Variants in PEX16 observed in about 807,000 individuals in gnomAD.
PEX16 encodes peroxisomal biogenesis factor 16.
Under a neutral mutation model 50.5 loss-of-function variants are expected in PEX16, and 37 were observed. The observed-to-expected ratio is 0.73, with a 90% confidence interval of 0.56 to 0.96. The LOEUF is 0.96. Among genes scored for constraint, PEX16 ranks in the 40% least tolerant of loss-of-function variants. The pLI is 0.00. For synonymous variants in PEX16, 185 were observed against 190.3 expected, an observed-to-expected ratio of 0.97 and a Z score of 0.23; for missense variants, 401 against 438.3, an observed-to-expected ratio of 0.91 and a Z score of 0.76.
intron 8 of PEX16, 80 bp from the exon 9 acceptor site, chr11:45,914,018 C>G: frequency 6.3e-7 from 1 of 1,596,452 alleles, no homozygotes; most frequent in Non-Finnish European, 8.5e-7. Flanking sequence ...GGCTGGGTGT[C>G]CAGAGGGGCA....
chr11:45,916,340 G>C, intron 2 of PEX16, 37 bp from the exon 3 acceptor site: 1 of 1,474,434 alleles, frequency 6.8e-7, no homozygotes, highest in Non-Finnish European at 9.5e-7. Context: ...GGCTGGCTCT[G>C]CAGCCTCCAT....
rs35874263 is a variant in PEX16 at position 45,914,407 on chromosome 11, C to G, written c.603G>C (p.Gln201His). Reference sequence around the variant, plus strand: ...GGGTCGCACTCAGCTCCTCGTGATGCTGCTGCTGCCGTCCCTCCCGCTGCT... The same window carrying G: ...GGGTCGCACTCAGCTCCTCGTGATGGTGCTGCTGCCGTCCCTCCCGCTGCT... ...APQQREGRQQ[Q>H]HHEELSATPT... Residue 201 changes from glutamine to histidine, a missense_variant, in exon 7 of 11, where the codon CAG becomes CAC. Gln to His is a conservative substitution (Grantham distance 24, BLOSUM62 0). Coordinates refer to ENST00000378750, the MANE Select transcript of PEX16 (RefSeq NM_004813.4). 6.2e-7 allele frequency: 1 copy of G among 1,609,186 alleles called. No individual in the cohort carries two copies.
chr11:45,913,775 G>A lies in PEX16; in HGVS notation c.887+44C>T, dbSNP rs766281476. On this transcript the variant is annotated intron_variant, in intron 9 of 10. Transcript: ENST00000378750. ...AGCAGGGACCGGAGCACCAGTGCCC[G>A]CTTGCCAGCCCTCTCCCTGGCTCAG... The A allele has an allele frequency of 2.9e-5, 47 of 1,611,766 alleles. No individual in the cohort carries two copies. The highest frequency in any genetic ancestry group is 1.6e-4 in the Middle Eastern group (1 of 6,078).
In PEX16 at chr11:45,910,908, G is replaced by A; in HGVS notation, c.942C>T (p.Gly314=). 1 of 1,613,586 alleles carries A rather than the reference G, an allele frequency of 6.2e-7. No individual in the cohort carries two copies. Among genetic ancestry groups the A allele is most frequent in the South Asian group, 1.1e-5 (1 of 91,084 alleles). The change falls in exon 10 of 11, where the codon GGC becomes GGT. Residue 314 remains glycine (G), a synonymous_variant. Transcript: ENST00000378750. The part of the protein sequence containing the change: ...QLLADHVPGV[G]LVTRPLMDYL... ...CCCATCCCTGCTTACTTGTGACCAG[G>A]CCAACGCCAGGGACGTGGTCGGCCA...
rs746381331 is a variant in PEX16 at position 45,916,287 on chromosome 11, G to A, written c.165C>T (p.Asn55=). ...ELSELVYSAS[N]LLVLLNDGIL... ...TCCCGTCATTGAGCAGCACAAGCAG[G>A]TTAGAGGCAGAGTACACTGAGGGGT... is the stretch of plus-strand genomic sequence containing the variant. Residue 55 remains asparagine, a synonymous_variant, in exon 3 of 11, where the codon AAC becomes AAT. Transcript: ENST00000378750. The A allele has an allele frequency of 3.1e-6, 5 of 1,613,828 alleles. No homozygotes were observed. The African/African-American group carries it at 5.3e-5, about 17-fold the overall frequency.
intron 4 of PEX16, 55 bp downstream of exon 4, chr11:45,915,648 G>A (rs776484104): frequency 1.6e-4 from 260 of 1,612,934 alleles, no homozygotes; most frequent in Non-Finnish European, 1.9e-4. Flanking sequence ...AGCACCATCT[G>A]TGTAGCTAGC....
At position 45,915,576 on chromosome 11, in the gene PEX16, G is replaced by C; in HGVS notation, c.360-8C>G. The C allele has an allele frequency of 6.2e-7, 1 of 1,613,800 alleles. No homozygotes were observed. The highest frequency in any genetic ancestry group is 2.2e-5 in the East Asian group (1 of 44,864). ...AGCATCCGCAGTACAGCCCTGGGTCGGGGAGTATGTCAGGGTTGTGGGGAG... is the reference window on the plus strand; with the variant it reads ...AGCATCCGCAGTACAGCCCTGGGTCCGGGAGTATGTCAGGGTTGTGGGGAG... On this transcript the variant is annotated splice_region_variant and splice_polypyrimidine_tract_variant and intron_variant, in intron 4 of 10. Transcript: ENST00000378750.
At chr11:45,914,572 A>C (rs755750023) in intron 6 of PEX16, 32 bp downstream of exon 6, 1 of 1,613,058 alleles carries the variant, frequency 6.2e-7, no homozygotes, top group Admixed American at 1.7e-5. Flanking sequence ...GACAGCACCT[A>C]GGTGCCCAGG....
intron 2 of PEX16, 109 bp from the exon 3 acceptor site, chr11:45,916,412 A>T: frequency 1.2e-6 from 1 of 833,620 alleles, no homozygotes; most frequent in Non-Finnish European, 2.0e-6. Context: ...TCAGACACCC[A>T]CAGACTATGT....
chr11:45,911,741 G>A (rs1463951320), intron 9 of PEX16, among the ~76,000 whole-genome samples: 1 of 152,202 alleles, frequency 6.6e-6, no homozygotes, highest in Non-Finnish European at 1.5e-5. Context: ...GGAAGCCTGG[G>A]GGCCGGGTGT....
In PEX16 at chr11:45,910,322, G is replaced by A; in HGVS notation, c.953-10C>T. ...TAATCCATGAGCGGCCCTGCAGTGG[G>A]AGAGGGACACATCAGGGCAGGCCAG... is the stretch of plus-strand genomic sequence containing the variant. On this transcript the variant is annotated splice_polypyrimidine_tract_variant and intron_variant, in intron 10 of 10. Coordinates refer to ENST00000378750, the MANE Select transcript of PEX16 (RefSeq NM_004813.4). 6.2e-7 allele frequency: 1 copy of A among 1,607,660 alleles called. No homozygotes were observed. Among genetic ancestry groups the A allele is most frequent in the Non-Finnish European group, 8.5e-7 (1 of 1,174,432 alleles).
chr11:45,913,698 AAC>A (rs2086800519), intron 9 of PEX16, 119 bp downstream of exon 9: 4 of 1,174,738 alleles, frequency 3.4e-6, no homozygotes, highest in African/African-American at 3.0e-5. Context: ...CCACCCGGAC[AAC>A]ACACAGTGCT....
In PEX16 at chr11:45,916,150, T is replaced by G; in HGVS notation, c.225+77A>C. The G allele has an allele frequency of 4.8e-6, 5 of 1,050,908 alleles. No individual in the cohort carries two copies. In the South Asian group the frequency reaches 5.0e-5, roughly 11 times the overall value. 65.1% of individuals were successfully genotyped at this position (1,050,908 alleles called of 1,614,324 possible). A position where few individuals can be genotyped will look rare whatever the true frequency, so the allele number is the denominator to read the frequency against. On this transcript the variant is annotated intron_variant, in intron 3 of 10. Coordinates refer to ENST00000378750, the MANE Select transcript of PEX16 (RefSeq NM_004813.4). ...GTCTCATACTCCATGAGACATGTGC[T>G]GCACGCATGGGCTAGCTGCTACTAT...
At chr11:45,914,502 G>A (rs1565081173) in intron 6 of PEX16, 34 bp from the exon 7 acceptor site, 1 of 1,609,994 alleles carries the variant, frequency 6.2e-7, no homozygotes, top group African/African-American at 1.3e-5. Context: ...AGCGAGCCAG[G>A]CCCAGGCTGG....
At chr11:45,918,132 G>A, upstream of PEX16, 1 of 457,856 alleles carries the variant, frequency 2.2e-6, no homozygotes, top group Non-Finnish European at 4.1e-6. Context: ...CGGGTTGGCT[G>A]CCCTTGCGCC....
At chr11:45,916,177 T>C in intron 3 of PEX16, 50 bp downstream of exon 3, 2 of 1,362,578 alleles carry the variant, frequency 1.5e-6, no homozygotes, top group Non-Finnish European at 2.1e-6. Context: ...TGCTACTATT[T>C]CATTCCTGAG....
chr11:45,912,998 ATTT>A (rs5791710), intron 9 of PEX16, among the ~76,000 whole-genome samples: 10 of 149,384 alleles, frequency 6.7e-5, no homozygotes, highest in South Asian at 2.1e-4. Context: ...AATTATTATT[ATTT>A]TTTTTTTTTT....
intron 3 of PEX16, 65 bp downstream of exon 3, chr11:45,916,162 C>A: frequency 8.4e-7 from 1 of 1,183,946 alleles, no homozygotes. Flanking sequence ...CACGCATGGG[C>A]TAGCTGCTAC....
intron 2 of PEX16, 41 bp from the exon 3 acceptor site, chr11:45,916,344 C>A (rs765619709): frequency 6.3e-6 from 9 of 1,439,340 alleles, no homozygotes; most frequent in Non-Finnish European, 8.8e-6. Context: ...GGCTCTGCAG[C>A]CTCCATCCCT....
Sources: gnomAD v4.1 joint callset for allele counts (sites outside exome capture counted in the v4.1 genomes callset) on GRCh38, gnomAD v4.1.1 for gene constraint, MANE v1.5 for transcripts, NCBI Gene and HGNC (gene_info 2026-07-23, HGNC 2026-07-21) for gene names.